Variants in FN1 observed in about 807,000 individuals in gnomAD.
FN1 encodes the protein fibronectin 1.
Under a neutral mutation model 297.3 loss-of-function variants are expected in FN1, and 106 were observed. That is an observed-to-expected ratio of 0.36 (90% CI 0.30 to 0.42). The LOEUF (loss-of-function observed/expected upper bound fraction) is 0.42, where lower values mean the gene tolerates loss of function less well. Among genes scored for constraint, FN1 ranks in the 10% least tolerant of loss-of-function variants. The pLI is 1.00. For synonymous variants in FN1, 1,149 were observed against 1,152.6 expected, an observed-to-expected ratio of 1.00 and a Z score of 0.06; for missense variants, 2,690 against 3,124.9, an observed-to-expected ratio of 0.86 and a Z score of 3.32.
intron 40 of FN1, chr2:215,370,647 C>G (rs2055807167): frequency 1.8e-6 from 1 of 547,620 alleles, no homozygotes; most frequent in Non-Finnish European, 3.2e-6. Context: ...GCCAGATTTT[C>G]CTGCCAACAA....
At position 215,379,261 on chromosome 2, in the gene FN1, C is replaced by T. The variant is rs753498044; in HGVS notation, c.5491G>A (p.Ala1831Thr). Residue 1831 changes from alanine to threonine, a missense_variant, in exon 34 of 46, where the codon GCC becomes ACC. Around this residue, in one of 3 missense-constraint regions of FN1, gnomAD observed 1,743 missense variants for 1,945.2 expected, o/e 0.90. Coordinates refer to ENST00000354785, the MANE Select transcript of FN1 (RefSeq NM_212482.4). Reference sequence around the variant, plus strand: ...TGAACATTGGGTGGTGTCCACTGGGCGCTCAGGCTTGTGGGTGTGACCTGA... The same window carrying T: ...TGAACATTGGGTGGTGTCCACTGGGTGCTCAGGCTTGTGGGTGTGACCTGA... ...FTQVTPTSLSAQWTPPNVQLT... is the reference protein window; with the variant it reads ...FTQVTPTSLSTQWTPPNVQLT... 3.7e-5 allele frequency: 59 copies of T among 1,613,904 alleles called. No individual in the cohort carries two copies. In the East Asian group the frequency reaches 6.0e-4, roughly 16 times the overall value.
intron 37 of FN1, 79 bp downstream of exon 37, chr2:215,375,550 G>A (rs980360131): frequency 6.5e-6 from 8 of 1,236,528 alleles, no homozygotes; most frequent in South Asian, 1.2e-5. Context: ...AAAAATATAC[G>A]CCTCACATTT....
At chr2:215,434,562 TTTAAACTTAAG>T in intron 2 of FN1, 123 bp downstream of exon 2, 1 of 1,125,228 alleles carries the variant, frequency 8.9e-7, no homozygotes, top group Non-Finnish European at 1.3e-6. Context: ...ATAAGCAGTT[TTTAAACTTAAG>T]AGGAAATGAC....
intron 31 of FN1, 48 bp from the exon 32 acceptor site, chr2:215,382,373 A>G (rs746324069): frequency 1.6e-6 from 2 of 1,240,330 alleles, no homozygotes; most frequent in Admixed American, 1.7e-5. Flanking sequence ...CATCCACTAT[A>G]AAGTCCTCAA....
chr2:215,435,565 C>T (rs996904872), intron 1 of FN1, 90 bp downstream of exon 1: 4 of 1,558,810 alleles, frequency 2.6e-6, no homozygotes, highest in South Asian at 1.1e-5. Flanking sequence ...CTCGCACACA[C>T]GCGCGCGCAC....
chr2:215,379,519 C>T (rs2057900722), intron 33 of FN1: 1 of 540,354 alleles, frequency 1.9e-6, no homozygotes, highest in Non-Finnish European at 3.3e-6. Context: ...GTTTTATATC[C>T]ACCAATTCTC....
chr2:215,383,305 GC>G (rs2058462463), intron 31 of FN1, 22 bp downstream of exon 31: 2 of 1,613,578 alleles, frequency 1.2e-6, no homozygotes, highest in African/African-American at 2.7e-5. Context: ...ACCGCACCTG[GC>G]CGAGATGCAG....
At position 215,401,234 on chromosome 2, in the gene FN1, GAAA is replaced by G. The variant is rs1559474958; in HGVS notation, c.3254-1886_3254-1884del. ...AGAAAGAAAGAAAGAAAGAAAGAAAGAAAGAAAGAAAGAAAGGAAGAAAGAAAG... is the reference window on the plus strand; with the variant it reads ...AGAAAGAAAGAAAGAAAGAAAGAAAGGAAAGAAAGAAAGGAAGAAAGAAAG... On this transcript the variant is annotated intron_variant, in intron 20 of 45. Coordinates refer to ENST00000354785, the MANE Select transcript of FN1 (RefSeq NM_212482.4). 1.1e-3 allele frequency among the ~76,000 whole-genome samples: 63 copies of G among 56,100 alleles called. 1 individual carries two copies. Among genetic ancestry groups the G allele is most frequent in the East Asian group, 2.3e-3 (8 of 3,516 alleles). 36.8% of individuals were successfully genotyped at this position (56,100 alleles called of 152,430 possible).
At chr2:215,414,435 T>C (rs528630332) in intron 13 of FN1, among the ~76,000 whole-genome samples, 1 of 152,182 alleles carries the variant, frequency 6.6e-6, no homozygotes, top group East Asian at 1.9e-4. Flanking sequence ...TAATTTGGCT[T>C]TTTTTTTCAA....
intron 20 of FN1, 32 bp from the exon 21 acceptor site, chr2:215,399,383 A>G (rs2060711847): frequency 7.0e-7 from 1 of 1,421,522 alleles, no homozygotes; most frequent in Non-Finnish European, 1.0e-6. Flanking sequence ...CATATTCAAA[A>G]CTCAAACTCA....
chr2:215,424,998 C>T, intron 7 of FN1, 96 bp downstream of exon 7: 1 of 1,140,536 alleles, frequency 8.8e-7, no homozygotes, highest in Non-Finnish European at 1.3e-6. Context: ...TTACAGGCTT[C>T]TTGTTTGTTT....
chr2:215,365,003 A>G lies in FN1; in HGVS notation c.7145-18T>C, dbSNP rs768737971. On this transcript the variant is annotated intron_variant, in intron 43 of 45. Coordinates refer to ENST00000354785, the MANE Select transcript of FN1 (RefSeq NM_212482.4). ...TGCCTCATCTGCATATAGACACAAG[A>G]CAGATGCACGCATAAGCTGAGAACA... The G allele has an allele frequency of 6.9e-7, 1 of 1,451,890 alleles. No individual in the cohort carries two copies. Among genetic ancestry groups the G allele is most frequent in the South Asian group, 1.2e-5 (1 of 82,418 alleles). The allele number at this position is 1,451,890 out of a possible 1,614,324, so 89.9% of individuals were successfully genotyped here.
chr2:215,377,249 A>T (rs116423481), intron 35 of FN1, among the ~76,000 whole-genome samples: 176 of 152,268 alleles, frequency 1.2e-3, no homozygotes, highest in African/African-American at 4.0e-3. Context: ...AGAAGACTAG[A>T]ATCTAAGCCT....
At chr2:215,409,511 G>A (rs968259902) in intron 15 of FN1, 52 bp downstream of exon 15, 2 of 1,575,182 alleles carry the variant, frequency 1.3e-6, no homozygotes, top group East Asian at 4.5e-5. Context: ...CCCACAAGGA[G>A]AGTTTTCCAG....
chr2:215,379,079 T>C, intron 34 of FN1, 51 bp downstream of exon 34: 3 of 1,446,004 alleles, frequency 2.1e-6, no homozygotes, highest in Non-Finnish European at 2.9e-6. Flanking sequence ...TTAGAAACTG[T>C]GTTAGAGATG....
chr2:215,409,821 A>C, intron 14 of FN1, 82 bp from the exon 15 acceptor site: 3 of 1,594,396 alleles, frequency 1.9e-6, no homozygotes, highest in Non-Finnish European at 2.6e-6. Flanking sequence ...CATTTTAAAA[A>C]ACGTTGGTGC....
In FN1 at chr2:215,422,088, T is replaced by C; in HGVS notation, c.1546+3A>G. 2 of 1,614,168 alleles carry C rather than the reference T, an allele frequency of 1.2e-6. No individual in the cohort carries two copies. The highest frequency in any genetic ancestry group is 8.5e-7 in the Non-Finnish European group (1 of 1,179,974). On this transcript the variant is annotated splice_donor_region_variant and intron_variant, in intron 10 of 45. Transcript: ENST00000354785. ...AAATATTTTTGTTAATCAGCCAGCA[T>C]ACCTCGAAGCTGCGAGTAGGCAATG...
intron 19 of FN1, among the ~76,000 whole-genome samples, chr2:215,405,461 C>T (rs971204613): frequency 9.9e-5 from 15 of 152,104 alleles, no homozygotes; most frequent in Non-Finnish European, 1.8e-4. Flanking sequence ...TAAGACCTTC[C>T]GGCTGGGCAC....
chr2:215,401,058 A>T (rs547010762), intron 20 of FN1, among the ~76,000 whole-genome samples: 1 of 150,172 alleles, frequency 6.7e-6, no homozygotes, highest in Non-Finnish European at 1.5e-5. Flanking sequence ...GGCCTCCCAA[A>T]GTGCTGGAAT....
Sources: gnomAD v4.1 joint callset for allele counts (sites outside exome capture counted in the v4.1 genomes callset) on GRCh38, gnomAD v4.1.1 for gene constraint, gnomAD v4.1.1 regional missense constraint, MANE v1.5 for transcripts, NCBI Gene and HGNC (gene_info 2026-07-23, HGNC 2026-07-21) for gene names.